Variants in ZNF624 observed in about 807,000 individuals in gnomAD.
The protein encoded by ZNF624 is zinc finger protein 624.
In ZNF624, 43 loss-of-function variants were observed where a neutral mutation model predicts 74.7. The ratio of observed to expected loss-of-function variants is 0.58; its 90% CI spans 0.45 to 0.74. The LOEUF (loss-of-function observed/expected upper bound fraction) is 0.74, where lower values mean the gene tolerates loss of function less well. ZNF624 is among the 30% of genes least tolerant of loss of function. The probability of loss-of-function intolerance (pLI) is 0.00; values close to 1 mark genes in which losing one functional copy is unlikely to be tolerated. For synonymous variants in ZNF624, 331 were observed against 341.3 expected, an observed-to-expected ratio of 0.97 and a Z score of 0.33; for missense variants, 820 against 1,030.0, an observed-to-expected ratio of 0.80 and a Z score of 2.79.
In ZNF624 at chr17:16,633,923, A is replaced by C; in HGVS notation, c.315T>G (p.His105Gln). Residue 105 changes from histidine (H) to glutamine (Q), a missense_variant, in exon 5 of 6, where the codon CAT becomes CAG. Physicochemically the swap from His to Gln is conservative, Grantham distance 24. Transcript: ENST00000311331. ...LAVSKPDMIS[H>Q]LENGKGPWVT... Reference sequence around the variant, plus strand: ...CCCATGGTCCTTTCCCATTCTCCAAATGAGATATCATGTCTGGTTTGGAAA... The same window carrying C: ...CCCATGGTCCTTTCCCATTCTCCAACTGAGATATCATGTCTGGTTTGGAAA... 1.2e-6 allele frequency: 2 copies of C among 1,613,554 alleles called. No individual in the cohort carries two copies. The highest frequency in any genetic ancestry group is 1.7e-6 in the Non-Finnish European group (2 of 1,179,678).
chr17:16,616,998 T>C, downstream of ZNF624: 9 of 1,606,598 alleles, frequency 5.6e-6, no homozygotes, highest in Non-Finnish European at 7.7e-6. Flanking sequence ...ACTGGCTCCT[T>C]GATCTGGATT....
chr17:16,643,348 A>G (rs906076761), intron 3 of ZNF624, among the ~76,000 whole-genome samples: 22 of 152,236 alleles, frequency 1.4e-4, no homozygotes, highest in African/African-American at 4.8e-4. Flanking sequence ...TTTGGCCATA[A>G]AAAGGAATAA....
chr17:16,644,911 G>A (rs1480868232), intron 3 of ZNF624, among the ~76,000 whole-genome samples: 1 of 152,192 alleles, frequency 6.6e-6, no homozygotes, highest in Admixed American at 6.5e-5. Flanking sequence ...GAATGAAAGT[G>A]ACTTTGATGC....
chr17:16,615,988 T>TGAG (rs1908785778), downstream of ZNF624, among the ~76,000 whole-genome samples: 1 of 138,050 alleles, frequency 7.2e-6, no homozygotes, highest in Non-Finnish European at 1.6e-5. Context: ...TATATATATA[T>TGAG]ATATATATAT....
At chr17:16,636,413 C>T (rs1211270968) in intron 3 of ZNF624, among the ~76,000 whole-genome samples, 2 of 152,166 alleles carry the variant, frequency 1.3e-5, no homozygotes, top group African/African-American at 2.4e-5. Context: ...TCACAATTTG[C>T]AACTACTAAT....
At position 16,633,779 on chromosome 17, in the gene ZNF624, A is replaced by G. The variant is rs138045024; in HGVS notation, c.376+83T>C. The G allele has an allele frequency of 4.6e-3, 5,105 of 1,110,198 alleles. 37 individuals carry two copies. The highest frequency in any genetic ancestry group is 0.016 in the Middle Eastern group (78 of 4,812). 68.8% of individuals were successfully genotyped at this position (1,110,198 alleles called of 1,614,324 possible). On this transcript the variant is annotated intron_variant, in intron 5 of 5. Transcript: ENST00000311331. ...AGCGTTGAACAAATATATCTTCAAA[A>G]TTATTTCAGATGTTCTGGTGAACAT... is the stretch of plus-strand genomic sequence containing the variant.
At chr17:16,649,804 C>A in intron 1 of ZNF624, 58 bp from the exon 2 acceptor site, 2 of 1,410,412 alleles carry the variant, frequency 1.4e-6, no homozygotes, top group Non-Finnish European at 2.0e-6. Flanking sequence ...TCAGACTCAC[C>A]AAGTTGGAAT....
the ZNF624 span, among the ~76,000 whole-genome samples, chr17:16,615,322 C>T: frequency 6.6e-6 from 1 of 152,152 alleles, no homozygotes; most frequent in Non-Finnish European, 1.5e-5. Flanking sequence ...TGGTCTCCAT[C>T]TCCTGACCTC....
At chr17:16,652,754 G>T (rs149094663) in intron 1 of ZNF624, among the ~76,000 whole-genome samples, 1 of 152,172 alleles carries the variant, frequency 6.6e-6, no homozygotes, top group African/African-American at 2.4e-5. Flanking sequence ...ACAAGAAGAA[G>T]TATCTACCTA....
At chr17:16,646,041 GTTA>G (rs1195111146) in intron 3 of ZNF624, among the ~76,000 whole-genome samples, 2 of 151,090 alleles carry the variant, frequency 1.3e-5, no homozygotes, top group South Asian at 2.1e-4. Flanking sequence ...CTTATTGATA[GTTA>G]TTATCAAATC....
intron 5 of ZNF624, among the ~76,000 whole-genome samples, chr17:16,629,177 G>A (rs555086507): frequency 1.9e-4 from 24 of 129,708 alleles, no homozygotes; most frequent in African/African-American, 5.7e-4. Flanking sequence ...CAGCCTGGGC[G>A]ACAGAGCGAG....
In ZNF624 at chr17:16,621,237, C is replaced by T. The variant is rs1908904204; in HGVS notation, c.*1051G>A. On this transcript the variant is annotated 3_prime_UTR_variant, in exon 6 of 6. Transcript: ENST00000311331. Reference sequence around the variant, plus strand: ...TAGATATAAGTCGTTTTTAAAATTACTCTCACACTGTTCCATAATATGGGT... The same window carrying T: ...TAGATATAAGTCGTTTTTAAAATTATTCTCACACTGTTCCATAATATGGGT... The T allele has an allele frequency of 6.6e-6, 1 of 152,222 alleles. No individual in the cohort carries two copies. The highest frequency in any genetic ancestry group is 6.5e-5 in the Admixed American group (1 of 15,288). The allele number at this position is 152,222 out of a possible 1,614,324, so 9.4% of individuals were successfully genotyped here.
At chr17:16,648,637 C>T (rs1177542583) in intron 2 of ZNF624, among the ~76,000 whole-genome samples, 1 of 152,194 alleles carries the variant, frequency 6.6e-6, no homozygotes, top group East Asian at 1.9e-4. Flanking sequence ...CGGGTTATTA[C>T]AGATCATTAC....
intron 1 of ZNF624, among the ~76,000 whole-genome samples, chr17:16,650,801 T>C (rs563697694): frequency 2.0e-5 from 3 of 152,270 alleles, no homozygotes; most frequent in African/African-American, 4.8e-5. Flanking sequence ...GTCCTGCAAG[T>C]AGGGCCTTTG....
chr17:16,631,589 G>A (rs1481469937), intron 5 of ZNF624: 1 of 152,094 alleles, frequency 6.6e-6, no homozygotes, highest in African/African-American at 2.4e-5. Flanking sequence ...TAGGTGTGGT[G>A]GTGTGTGCCT....
chr17:16,636,454 T>A (rs533278939), intron 3 of ZNF624, among the ~76,000 whole-genome samples: 1 of 152,316 alleles, frequency 6.6e-6, no homozygotes, highest in South Asian at 2.1e-4. Context: ...GCTGCTAACA[T>A]AAAAGAAAGG....
intron 5 of ZNF624, among the ~76,000 whole-genome samples, chr17:16,630,888 T>TA: frequency 7.2e-6 from 1 of 139,448 alleles, no homozygotes; most frequent in East Asian, 1.9e-4. Flanking sequence ...TAGCAGACTT[T>TA]AAAAAATCTT....
chr17:16,645,883 C>A (rs1311474272), intron 3 of ZNF624, among the ~76,000 whole-genome samples: 6 of 130,520 alleles, frequency 4.6e-5, no homozygotes, highest in Non-Finnish European at 7.7e-5. Context: ...ACCCGGGAGG[C>A]AGAGGTTGCA....
downstream of ZNF624, chr17:16,617,680 C>T (rs1009873996): frequency 8.1e-6 from 13 of 1,603,772 alleles, no homozygotes; most frequent in Non-Finnish European, 1.0e-5. Flanking sequence ...CGGGCGTGCT[C>T]TACGATCACG....
Sources: gnomAD v4.1 joint callset for allele counts (sites outside exome capture counted in the v4.1 genomes callset) on GRCh38, gnomAD v4.1.1 for gene constraint, MANE v1.5 for transcripts, NCBI Gene and HGNC (gene_info 2026-07-23, HGNC 2026-07-21) for gene names.